The following TRAPPC8 variants were observed in gnomAD, a reference collection of about 807,000 sequenced individuals.
TRAPPC8 encodes the protein general sporulation gene 1 homolog.
A neutral mutation model predicts 174.3 loss-of-function variants in TRAPPC8; 54 were observed. That is an observed-to-expected ratio of 0.31 (90% CI 0.25 to 0.39). TRAPPC8 has a LOEUF of 0.39. Ranked by LOEUF, TRAPPC8 falls within the 10% of genes least tolerant of loss-of-function variation. The probability of loss-of-function intolerance (pLI) is 1.00; values close to 1 mark genes in which losing one functional copy is unlikely to be tolerated. For missense variants in TRAPPC8, 1,531 were observed against 1,699.1 expected, an observed-to-expected ratio of 0.90 and a Z score of 1.74; for synonymous variants, 630 against 579.9, an observed-to-expected ratio of 1.09 and a Z score of -1.24.
intron 9 of TRAPPC8, among the ~76,000 whole-genome samples, chr18:31,906,517 C>A (rs1479096374): frequency 6.6e-6 from 1 of 152,090 alleles, no homozygotes; most frequent in African/African-American, 2.4e-5. Context: ...AAAGTATCTA[C>A]ACAATTACCT....
intron 1 of TRAPPC8, among the ~76,000 whole-genome samples, chr18:31,932,554 GTT>G (rs2037893925): frequency 6.6e-6 from 1 of 152,150 alleles, no homozygotes; most frequent in Admixed American, 6.5e-5. Context: ...CCAGTAAGTA[GTT>G]CAGAGATTCA....
At chr18:31,884,186 C>CA (rs1211766378) in intron 12 of TRAPPC8, among the ~76,000 whole-genome samples, 6 of 151,856 alleles carry the variant, frequency 4.0e-5, no homozygotes, top group South Asian at 2.1e-4. Flanking sequence ...GAAACTCTGC[C>CA]AAAAAAACAA....
rs919425788 is a variant in TRAPPC8, at chr18:31,942,988, T to G, written c.-224A>C. The G allele has an allele frequency of 3.2e-6, 3 of 935,826 alleles. No individual in the cohort carries two copies. The highest frequency in any genetic ancestry group is 4.2e-6 in the Non-Finnish European group (3 of 715,916). 58.0% of individuals were successfully genotyped at this position (935,826 alleles called of 1,614,324 possible). On this transcript the variant is annotated 5_prime_UTR_variant, in exon 1 of 29. Transcript: ENST00000283351. Reference sequence around the variant, plus strand: ...CGTCACCGCCGCTTCTCAGCGCTCGTCCCCGCGTGCTCGCATTCCACCCCG... The same window carrying G: ...CGTCACCGCCGCTTCTCAGCGCTCGGCCCCGCGTGCTCGCATTCCACCCCG...
At chr18:31,887,372 G>A (rs953643698) in intron 12 of TRAPPC8, among the ~76,000 whole-genome samples, 2 of 152,300 alleles carry the variant, frequency 1.3e-5, no homozygotes, top group South Asian at 2.1e-4. Context: ...CTGGCTGGGC[G>A]TGGTGACTCA....
At chr18:31,867,187 T>C (rs1044529182) in intron 17 of TRAPPC8, among the ~76,000 whole-genome samples, 1 of 152,132 alleles carries the variant, frequency 6.6e-6, no homozygotes, top group Non-Finnish European at 1.5e-5. Context: ...AAAAAGCATA[T>C]CAAGAAGAAA....
At chr18:31,847,031 G>A (rs2033445879) in intron 25 of TRAPPC8, among the ~76,000 whole-genome samples, 2 of 152,130 alleles carry the variant, frequency 1.3e-5, no homozygotes, top group South Asian at 4.1e-4. Flanking sequence ...TAACACAGTT[G>A]GCCTGGATAT....
chr18:31,933,030 A>G (rs911443992), intron 1 of TRAPPC8, among the ~76,000 whole-genome samples: 50 of 143,982 alleles, frequency 3.5e-4, no homozygotes, highest in Non-Finnish European at 6.8e-4. Context: ...AGCCGGGCGC[A>G]GTGGCTCACA....
chr18:31,836,707 CCAAT>C (rs1374499394), intron 27 of TRAPPC8, among the ~76,000 whole-genome samples: 3 of 151,386 alleles, frequency 2.0e-5, no homozygotes, highest in Non-Finnish European at 4.4e-5. Context: ...CTACTCTGGG[CCAAT>C]CAAACTGGAA....
chr18:31,919,876 A>G (rs1378724490), intron 2 of TRAPPC8, among the ~76,000 whole-genome samples: 1 of 152,002 alleles, frequency 6.6e-6, no homozygotes, highest in African/African-American at 2.4e-5. Context: ...AATATAAAAT[A>G]AAATAAAAAT....
chr18:31,917,445 G>T, intron 3 of TRAPPC8, 133 bp downstream of exon 3: 1 of 743,444 alleles, frequency 1.3e-6, no homozygotes, highest in Non-Finnish European at 2.2e-6. Flanking sequence ...ACAAGACTCC[G>T]TGTATTGTCA....
chr18:31,900,089 C>T (rs1158349955), intron 10 of TRAPPC8, among the ~76,000 whole-genome samples: 1 of 151,978 alleles, frequency 6.6e-6, no homozygotes, highest in African/African-American at 2.4e-5. Flanking sequence ...TACAAAATAG[C>T]CAGGCATGGT....
chr18:31,923,748 TAA>T (rs3980939), intron 2 of TRAPPC8, among the ~76,000 whole-genome samples: 1 of 141,400 alleles, frequency 7.1e-6, no homozygotes. Flanking sequence ...GGAAAGAAGC[TAA>T]AAAAAAAAAA....
chr18:31,924,738 CAAAAAAA>C (rs398032376), intron 2 of TRAPPC8, among the ~76,000 whole-genome samples: 1,762 of 91,858 alleles, frequency 0.019, 21 homozygotes, highest in South Asian at 0.03. Context: ...AACTCCGTCT[CAAAAAAA>C]AAAAAAAAAA....
In TRAPPC8 at chr18:31,897,020, G is replaced by A. The variant is rs566353083; in HGVS notation, c.1596+766C>T. Among the ~76,000 whole-genome samples the A allele has an allele frequency of 8.5e-5, 13 of 152,294 alleles. No individual in the cohort carries two copies. The East Asian group carries it at 2.3e-3, about 27-fold the overall frequency. ...AGATTTGAAAGTGAAAAGCATGGCT[G>A]TGAACAAGATCATCCCCAAAACGTA... is the stretch of plus-strand genomic sequence containing the variant. On this transcript the variant is annotated intron_variant, in intron 11 of 28. Coordinates refer to ENST00000283351, the MANE Select transcript of TRAPPC8 (RefSeq NM_014939.5).
chr18:31,851,753 T>C (rs940805159), intron 24 of TRAPPC8, among the ~76,000 whole-genome samples: 1 of 152,124 alleles, frequency 6.6e-6, no homozygotes, highest in African/African-American at 2.4e-5. Context: ...TCTACCTTAT[T>C]ATCTGGGTCT....
intron 12 of TRAPPC8, among the ~76,000 whole-genome samples, chr18:31,880,119 A>AT (rs1450323788): frequency 4.8e-4 from 35 of 72,822 alleles, no homozygotes; most frequent in African/African-American, 1.5e-3. Context: ...ATATATATAT[A>AT]TATTTTTTTT....
intron 16 of TRAPPC8, among the ~76,000 whole-genome samples, chr18:31,869,615 CA>C (rs982652831): frequency 1.3e-5 from 2 of 151,930 alleles, no homozygotes; most frequent in African/African-American, 4.8e-5. Flanking sequence ...GGAAACTTGC[CA>C]AAAAACTATC....
At chr18:31,880,090 A>AAAAAAAAAATATAT (rs1259899654) in intron 12 of TRAPPC8, among the ~76,000 whole-genome samples, 1 of 85,374 alleles carries the variant, frequency 1.2e-5, no homozygotes, top group African/African-American at 5.2e-5. Flanking sequence ...TGAAAAAAAA[A>AAAAAAAAAATATAT]ATATATATAT....
chr18:31,850,829 A>G (rs533099204), intron 24 of TRAPPC8, among the ~76,000 whole-genome samples: 2 of 152,188 alleles, frequency 1.3e-5, no homozygotes, highest in Non-Finnish European at 2.9e-5. Flanking sequence ...CTTACACTAA[A>G]TTATTTAACA....
Sources: gnomAD v4.1 joint callset for allele counts (sites outside exome capture counted in the v4.1 genomes callset) on GRCh38, gnomAD v4.1.1 for gene constraint, MANE v1.5 for transcripts, NCBI Gene and HGNC (gene_info 2026-07-23, HGNC 2026-07-21) for gene names.